ROBO2: variants seen among roughly 807,000 people sequenced by gnomAD.
The protein encoded by ROBO2 is roundabout homolog 2.
Under a neutral mutation model 160.8 loss-of-function variants are expected in ROBO2, and 53 were observed. The observed-to-expected ratio is 0.33, with a 90% CI of 0.26 to 0.41. ROBO2 has a LOEUF of 0.41. Among genes scored for constraint, ROBO2 ranks in the 10% least tolerant of loss-of-function variants. ROBO2 has a pLI of 1.00. For synonymous variants in ROBO2, 664 were observed against 611.7 expected (o/e 1.09, Z -1.26); for missense variants, 1,577 against 1,722.4 (o/e 0.92, Z 1.49).
At chr3:77,533,885 CT>C (rs11285132) in intron 6 of ROBO2, among the ~76,000 whole-genome samples, 14,878 of 146,398 alleles carry the variant, frequency 0.1, 1,484 homozygotes, top group African/African-American at 0.25. Flanking sequence ...CTACAGTAGG[CT>C]TTTTTTTTTT....
chr3:77,571,013 C>T (rs2093624979), intron 13 of ROBO2, among the ~76,000 whole-genome samples: 1 of 151,980 alleles, frequency 6.6e-6, no homozygotes, highest in East Asian at 1.9e-4. Flanking sequence ...GATAAGAAAC[C>T]TGCTGTTCCA....
intron 2 of ROBO2, among the ~76,000 whole-genome samples, chr3:76,524,827 A>T (rs1369179723): frequency 1.4e-4 from 2 of 14,394 alleles, no homozygotes; most frequent in South Asian, 3.2e-3. Flanking sequence ...TCTTATTCCT[A>T]AAAAAAAAAA....
chr3:76,144,011 G>A (rs2071791446), intron 2 of ROBO2, among the ~76,000 whole-genome samples: 1 of 151,586 alleles, frequency 6.6e-6, no homozygotes, highest in African/African-American at 2.4e-5. Flanking sequence ...CCCCTACACT[G>A]TGGAGGACAA....
At chr3:76,822,401 T>C (rs901870691) in intron 2 of ROBO2, among the ~76,000 whole-genome samples, 3 of 152,030 alleles carry the variant, frequency 2.0e-5, no homozygotes, top group Non-Finnish European at 4.4e-5. Flanking sequence ...ACTTTAATTT[T>C]ATTACTATAA....
chr3:76,150,234 T>C lies in ROBO2; in HGVS notation c.109+212632T>C, dbSNP rs1316807490. Among the ~76,000 whole-genome samples the C allele has an allele frequency of 2.3e-3, 200 of 87,322 alleles. 1 individual carries two copies. The highest frequency in any genetic ancestry group is 5.4e-3 in the South Asian group (10 of 1,860). 57.3% of individuals were successfully genotyped at this position (87,322 alleles called of 152,430 possible). Reference sequence around the variant, plus strand: ...ATCATCTGTCTAAAACAGACATCTGTCTAAATCACACATCTGTCTAAAGCA... The same window carrying C: ...ATCATCTGTCTAAAACAGACATCTGCCTAAATCACACATCTGTCTAAAGCA... On this transcript the variant is annotated intron_variant, in intron 2 of 26. Transcript: ENST00000487694.
Position 76,935,261 on chromosome 3 carries a change from C to G in ROBO2, c.110-162753C>G, listed in dbSNP as rs112932140. Among the ~76,000 whole-genome samples, 76 of 152,262 alleles carry G rather than the reference C, an allele frequency of 5.0e-4. 2 individuals carry two copies. Among genetic ancestry groups the G allele is most frequent in the African/African-American group, 1.8e-3 (73 of 41,558 alleles). ...AGCCACCACACCCAGCCTAGACTTA[C>G]AAAAATTTTTCCAAAAGAAAACAGT... On this transcript the variant is annotated intron_variant, in intron 2 of 26. Transcript: ENST00000487694.
At chr3:77,406,811 G>T (rs1440968172) in intron 2 of ROBO2, among the ~76,000 whole-genome samples, 1 of 151,924 alleles carries the variant, frequency 6.6e-6, no homozygotes, top group Non-Finnish European at 1.5e-5. Context: ...TTTGCTCTTT[G>T]AATTATTTTA....
chr3:77,375,069 A>G (rs1386645758), intron 2 of ROBO2, among the ~76,000 whole-genome samples: 1 of 152,124 alleles, frequency 6.6e-6, no homozygotes, highest in Non-Finnish European at 1.5e-5. Context: ...AAAATGAGCC[A>G]GGTATGGTTG....
intron 11 of ROBO2, among the ~76,000 whole-genome samples, chr3:77,564,235 G>A (rs2093417227): frequency 6.6e-6 from 1 of 151,992 alleles, no homozygotes; most frequent in African/African-American, 2.4e-5. Flanking sequence ...AATTACATTT[G>A]CCCTTTCTTC....
intron 2 of ROBO2, among the ~76,000 whole-genome samples, chr3:76,587,785 T>A (rs1180807907): frequency 6.6e-6 from 1 of 152,226 alleles, no homozygotes; most frequent in East Asian, 1.9e-4. Flanking sequence ...CTCCAAGTCA[T>A]GCCTTTAAAA....
chr3:77,621,922 G>A (rs933838002), intron 22 of ROBO2, among the ~76,000 whole-genome samples: 1 of 152,064 alleles, frequency 6.6e-6, no homozygotes, highest in Non-Finnish European at 1.5e-5. Flanking sequence ...ATAGTTACTC[G>A]TGGCGAATAT....
At chr3:76,586,555 A>C (rs2086052569) in intron 2 of ROBO2, among the ~76,000 whole-genome samples, 1 of 152,226 alleles carries the variant, frequency 6.6e-6, no homozygotes, top group African/African-American at 2.4e-5. Context: ...AAAATTAATA[A>C]AAGGTTTTAC....
intron 4 of ROBO2, among the ~76,000 whole-genome samples, chr3:77,484,508 A>ACACACACAC (rs2085097039): frequency 1.4e-5 from 2 of 146,726 alleles, no homozygotes; most frequent in African/African-American, 5.0e-5. Context: ...CCCCAACACA[A>ACACACACAC]ACACACACAC....
At chr3:76,185,816 T>C (rs1370806023) in intron 2 of ROBO2, among the ~76,000 whole-genome samples, 2 of 152,086 alleles carry the variant, frequency 1.3e-5, no homozygotes, top group Non-Finnish European at 1.5e-5. Context: ...CAAATGGAGA[T>C]ATTAAGCAGG....
chr3:76,699,517 G>A (rs906574351), intron 2 of ROBO2, among the ~76,000 whole-genome samples: 1 of 152,060 alleles, frequency 6.6e-6, no homozygotes, highest in Non-Finnish European at 1.5e-5. Context: ...TCCCCATATT[G>A]ATATTAAATC....
chr3:77,528,452 A>G (rs1229367364), intron 6 of ROBO2, among the ~76,000 whole-genome samples: 1 of 151,710 alleles, frequency 6.6e-6, no homozygotes, highest in East Asian at 1.9e-4. Context: ...TGAAAGAGTC[A>G]TGGACTTTGT....
intron 2 of ROBO2, among the ~76,000 whole-genome samples, chr3:76,743,575 A>G (rs2093837229): frequency 6.6e-6 from 1 of 152,194 alleles, no homozygotes; most frequent in African/African-American, 2.4e-5. Flanking sequence ...TTATATTTCT[A>G]CTTTCTGCAG....
At chr3:77,595,884 A>C (rs1559689351) in intron 18 of ROBO2, among the ~76,000 whole-genome samples, 1 of 152,128 alleles carries the variant, frequency 6.6e-6, no homozygotes, top group Non-Finnish European at 1.5e-5. Context: ...AGAAAAGTGC[A>C]ATGATTATAG....
At chr3:77,608,332 T>A (rs2094564781) in intron 21 of ROBO2, among the ~76,000 whole-genome samples, 1 of 152,190 alleles carries the variant, frequency 6.6e-6, no homozygotes, top group South Asian at 2.1e-4. Flanking sequence ...CTTGCAGTTC[T>A]CTAATGACTT....
Sources: gnomAD v4.1 joint callset for allele counts (sites outside exome capture counted in the v4.1 genomes callset) on GRCh38, gnomAD v4.1.1 for gene constraint, MANE v1.5 for transcripts, NCBI Gene and HGNC (gene_info 2026-07-23, HGNC 2026-07-21) for gene names.